Variants in DENND2A observed in about 807,000 individuals in gnomAD.
DENND2A encodes DENN domain containing 2A.
Under a neutral mutation model 105.3 loss-of-function variants are expected in DENND2A, and 53 were observed. The ratio of observed to expected loss-of-function variants is 0.50; its 90% CI spans 0.40 to 0.63. DENND2A has a LOEUF of 0.63. Ranked by LOEUF, DENND2A falls within the 30% of genes least tolerant of loss-of-function variation. The probability of loss-of-function intolerance (pLI) is 0.00; values close to 1 mark genes in which losing one functional copy is unlikely to be tolerated. For synonymous variants in DENND2A, 522 were observed against 508.4 expected (o/e 1.03, Z -0.36); for missense variants, 1,138 against 1,279.6 (o/e 0.89, Z 1.69).
At chr7:140,601,339 G>C (rs1326314996) in intron 3 of DENND2A, 64 bp downstream of exon 3, 7 of 1,515,548 alleles carry the variant, frequency 4.6e-6, no homozygotes, top group Admixed American at 4.4e-5. Context: ...AGACGGTTAT[G>C]ATGGGACACA....
intron 14 of DENND2A, 135 bp downstream of exon 14, chr7:140,544,483 C>T: frequency 8.4e-7 from 1 of 1,188,370 alleles, no homozygotes; most frequent in Non-Finnish European, 1.2e-6. Context: ...GTGTGAGTCA[C>T]CGCGCCCAGC....
chr7:140,578,769 G>A (rs1434851441), intron 5 of DENND2A, among the ~76,000 whole-genome samples: 1 of 152,176 alleles, frequency 6.6e-6, no homozygotes. Flanking sequence ...CGCTACTCAG[G>A]AGGCTGAGAC....
At chr7:140,552,680 G>C (rs1321020280) in intron 12 of DENND2A, among the ~76,000 whole-genome samples, 1 of 152,024 alleles carries the variant, frequency 6.6e-6, no homozygotes, top group African/African-American at 2.4e-5. Context: ...TTACAGCTGT[G>C]AGCCACTGCG....
intron 9 of DENND2A, among the ~76,000 whole-genome samples, chr7:140,561,669 A>AT (rs1242616480): frequency 0.057 from 5,391 of 94,330 alleles, 369 homozygotes; most frequent in African/African-American, 0.15. Flanking sequence ...ACACCTAGCT[A>AT]TTTTTTTTTT....
intron 1 of DENND2A, among the ~76,000 whole-genome samples, chr7:140,606,973 C>T (rs1377869568): frequency 6.6e-6 from 1 of 152,170 alleles, no homozygotes; most frequent in Non-Finnish European, 1.5e-5. Context: ...AGATGGGGCC[C>T]ATCAGAGAAG....
At chr7:140,630,001 C>T (rs1417908153) in intron 1 of DENND2A, among the ~76,000 whole-genome samples, 3 of 151,782 alleles carry the variant, frequency 2.0e-5, no homozygotes, top group African/African-American at 4.8e-5. Context: ...GGGATTACAA[C>T]AGGTGCCTGC....
intron 6 of DENND2A, among the ~76,000 whole-genome samples, chr7:140,572,743 A>C (rs1798144269): frequency 6.9e-6 from 1 of 144,390 alleles, no homozygotes; most frequent in African/African-American, 2.6e-5. Context: ...AACAGAGTGA[A>C]ACTCTGTCAA....
chr7:140,592,717 A>C (rs548238263), intron 3 of DENND2A, among the ~76,000 whole-genome samples: 13 of 151,916 alleles, frequency 8.6e-5, no homozygotes, highest in Admixed American at 3.3e-4. Flanking sequence ...CTCCTGCCTC[A>C]GCCTCCTGTG....
chr7:140,614,013 C>T (rs886354798), intron 1 of DENND2A, among the ~76,000 whole-genome samples: 6 of 152,136 alleles, frequency 3.9e-5, no homozygotes, highest in African/African-American at 1.4e-4. Context: ...TTCTTTTCCT[C>T]CTTCCCCTCC....
rs189621598 is a variant in DENND2A, at chr7:140,584,068, C to A, written c.1245+1521G>T. ...ACCAGCCTGGCCAACATGGTGAAAC[C>A]CCATCTCTACTAAAAGTACAAAAAT... On this transcript the variant is annotated intron_variant, in intron 5 of 19. Coordinates refer to ENST00000496613, the MANE Select transcript of DENND2A (RefSeq NM_015689.5). Among the ~76,000 whole-genome samples the A allele has an allele frequency of 6.0e-3, 897 of 149,566 alleles. 94 individuals carry two copies. The highest frequency in any genetic ancestry group is 0.022 in the African/African-American group (857 of 39,104).
In DENND2A at chr7:140,599,670, A is replaced by T. The variant is rs572724221; in HGVS notation, c.995+1733T>A. On this transcript the variant is annotated intron_variant, in intron 3 of 19. Coordinates refer to ENST00000496613, the MANE Select transcript of DENND2A (RefSeq NM_015689.5). ...ATCACAGCATTATTTGTAAACTGGG[A>T]ATAACTTATATATATTTACATATAT... Among the ~76,000 whole-genome samples the T allele has an allele frequency of 6.6e-5, 10 of 152,008 alleles. No individual in the cohort carries two copies. In the South Asian group the frequency reaches 2.1e-3, roughly 32 times the overall value.
At chr7:140,537,101 C>T (rs1796480921) in intron 14 of DENND2A, among the ~76,000 whole-genome samples, 1 of 152,198 alleles carries the variant, frequency 6.6e-6, no homozygotes, top group African/African-American at 2.4e-5. Flanking sequence ...TAAACACTTT[C>T]GGCTAGGCCT....
At chr7:140,531,079 C>G (rs1302077072) in intron 14 of DENND2A, among the ~76,000 whole-genome samples, 1 of 152,224 alleles carries the variant, frequency 6.6e-6, no homozygotes, top group Non-Finnish European at 1.5e-5. Context: ...TCTGTCAAAG[C>G]AGAGATACCT....
intron 6 of DENND2A, among the ~76,000 whole-genome samples, chr7:140,570,620 A>T (rs1416127105): frequency 6.6e-6 from 1 of 152,030 alleles, no homozygotes; most frequent in African/African-American, 2.4e-5. Flanking sequence ...GATGTCATGT[A>T]CCCTCCATGT....
chr7:140,601,069 G>C (rs375747708), intron 3 of DENND2A, among the ~76,000 whole-genome samples: 2 of 152,088 alleles, frequency 1.3e-5, no homozygotes, highest in African/African-American at 4.8e-5. Context: ...AGTTAGCAGG[G>C]ACTACCAAGT....
rs527536245 is a variant in DENND2A, at chr7:140,559,391, G to A, written c.1889+317C>T. ...CCCAATCCAAGAAACATCTGGATAG[G>A]AGACTGAAGAGATGTTTCAGGATGA... On this transcript the variant is annotated intron_variant, in intron 10 of 19. Coordinates refer to ENST00000496613, the MANE Select transcript of DENND2A (RefSeq NM_015689.5). This position sits in a 1 kb window ranked among gnomAD's most constrained non-coding sequence, Gnocchi z 4.1. Among the ~76,000 whole-genome samples the A allele has an allele frequency of 6.6e-5, 10 of 152,326 alleles. No individual in the cohort carries two copies. In the South Asian group the frequency reaches 1.9e-3, roughly 28 times the overall value.
intron 5 of DENND2A, among the ~76,000 whole-genome samples, chr7:140,578,098 G>C (rs772528187): frequency 4.6e-5 from 7 of 152,158 alleles, no homozygotes; most frequent in Non-Finnish European, 5.9e-5. Context: ...TCCGACTCAT[G>C]ATGGCACAGC....
chr7:140,595,436 C>A (rs1221292796), intron 3 of DENND2A, among the ~76,000 whole-genome samples: 1 of 151,888 alleles, frequency 6.6e-6, no homozygotes, highest in East Asian at 1.9e-4. Context: ...TGTTTTGAAT[C>A]CATTTCCCCC....
intron 1 of DENND2A, among the ~76,000 whole-genome samples, chr7:140,617,577 C>T (rs191617669): frequency 1.3e-5 from 2 of 152,056 alleles, no homozygotes; most frequent in East Asian, 1.9e-4. Flanking sequence ...ATCTGGGTGT[C>T]GTCGTGGGCA....
Sources: allele counts gnomAD v4.1 joint callset (sites outside exome capture counted in the v4.1 genomes callset), GRCh38; gene constraint gnomAD v4.1.1; non-coding constraint Gnocchi (gnomAD v3.1); transcripts MANE v1.5; gene names NCBI Gene and HGNC (gene_info 2026-07-23, HGNC 2026-07-21).